The following PLXNA4 variants were observed in gnomAD, a reference collection of about 807,000 sequenced individuals.
PLXNA4 encodes the protein plexin-A4.
In PLXNA4, 44 loss-of-function variants were observed where a neutral mutation model predicts 191.8. The ratio of observed to expected loss-of-function variants is 0.23; its 90% CI spans 0.18 to 0.29. The LOEUF (loss-of-function observed/expected upper bound fraction) is 0.29, where lower values mean the gene tolerates loss of function less well. Among genes scored for constraint, PLXNA4 ranks in the 10% least tolerant of loss-of-function variants. The probability of loss-of-function intolerance (pLI) is 1.00; values close to 1 mark genes in which losing one functional copy is unlikely to be tolerated. For synonymous variants in PLXNA4, 1,082 were observed against 1,009.5 expected, an observed-to-expected ratio of 1.07 and a Z score of -1.36; for missense variants, 1,800 against 2,488.8, an observed-to-expected ratio of 0.72 and a Z score of 5.89.
At chr7:132,357,732 CCTT>C (rs1803769233) in intron 3 of PLXNA4, among the ~76,000 whole-genome samples, 2 of 152,294 alleles carry the variant, frequency 1.3e-5, no homozygotes, top group African/African-American at 4.8e-5. Flanking sequence ...CCAACACAAA[CCTT>C]CTTTTCAGTC....
intron 3 of PLXNA4, among the ~76,000 whole-genome samples, chr7:132,391,955 C>T (rs1301651786): frequency 6.6e-6 from 1 of 151,988 alleles, no homozygotes; most frequent in Non-Finnish European, 1.5e-5. Context: ...GGTGAAACCC[C>T]ATCTCTACTA....
At chr7:132,490,944 G>T (rs1161342581) in intron 2 of PLXNA4, among the ~76,000 whole-genome samples, 1 of 152,110 alleles carries the variant, frequency 6.6e-6, no homozygotes, top group Non-Finnish European at 1.5e-5. Context: ...GAGGGTCTCA[G>T]CTGGGCTCTG....
intron 2 of PLXNA4, among the ~76,000 whole-genome samples, chr7:132,507,023 T>C (rs1026933464): frequency 2.0e-5 from 3 of 152,222 alleles, no homozygotes; most frequent in Non-Finnish European, 4.4e-5. Context: ...TGAAATTCCA[T>C]ATCTATCCCA....
chr7:132,139,841 C>G (rs111543313), intron 30 of PLXNA4, among the ~76,000 whole-genome samples: 2 of 152,314 alleles, frequency 1.3e-5, no homozygotes, highest in African/African-American at 4.8e-5. Context: ...ATAAAAGGAG[C>G]TTATAGTTCC....
chr7:132,498,939 ATG>A (rs1798138511), intron 2 of PLXNA4, among the ~76,000 whole-genome samples: 1 of 152,198 alleles, frequency 6.6e-6, no homozygotes, highest in South Asian at 2.1e-4. Flanking sequence ...TGAAGTTTCT[ATG>A]TGTGTTTTGG....
At chr7:132,417,672 A>C (rs1794705609) in intron 3 of PLXNA4, among the ~76,000 whole-genome samples, 1 of 150,518 alleles carries the variant, frequency 6.6e-6, no homozygotes. Context: ...AGAGAGAAAA[A>C]GACTGAAAAG....
At chr7:132,226,389 TCAG>T in intron 7 of PLXNA4, 129 bp from the exon 8 acceptor site, 1 of 693,822 alleles carries the variant, frequency 1.4e-6, no homozygotes, top group East Asian at 2.7e-5. Flanking sequence ...GGGCTCTGAC[TCAG>T]CAGACCCAGT....
intron 2 of PLXNA4, among the ~76,000 whole-genome samples, chr7:132,496,172 G>A (rs1400761748): frequency 2.0e-5 from 3 of 152,192 alleles, no homozygotes; most frequent in African/African-American, 7.2e-5. Flanking sequence ...CTGGGCTCAC[G>A]TCCAAGTTCT....
intron 3 of PLXNA4, among the ~76,000 whole-genome samples, chr7:132,298,436 T>TTCACCAAGAA (rs1227078050): frequency 1.3e-5 from 2 of 152,206 alleles, no homozygotes; most frequent in African/African-American, 4.8e-5. Flanking sequence ...CAAGCTGGGC[T>TTCACCAAGAA]TCACCAAGAA....
Position 132,294,926 on chromosome 7 carries a change from C to G in PLXNA4, c.1503+3165G>C, listed in dbSNP as rs1197077162. On this transcript the variant is annotated intron_variant, in intron 4 of 31. Coordinates refer to ENST00000321063, the MANE Select transcript of PLXNA4 (RefSeq NM_020911.2). ...AGAGAGGCCTCAGAAAAAACCAGCC[C>G]TGCTGACACTGTGATCCTGGACTTC... is the stretch of plus-strand genomic sequence containing the variant. 5.3e-5 allele frequency among the ~76,000 whole-genome samples: 8 copies of G among 152,286 alleles called. No homozygotes were observed. The East Asian group carries it at 1.5e-3, about 29-fold the overall frequency.
chr7:132,482,910 C>G (rs1376281467), intron 3 of PLXNA4, among the ~76,000 whole-genome samples: 1 of 152,056 alleles, frequency 6.6e-6, no homozygotes, highest in Non-Finnish European at 1.5e-5. Context: ...TCATGCTGGT[C>G]TTGAACTCCT....
chr7:132,296,023 C>G (rs1308198620), intron 4 of PLXNA4, among the ~76,000 whole-genome samples: 1 of 152,180 alleles, frequency 6.6e-6, no homozygotes, highest in Non-Finnish European at 1.5e-5. Flanking sequence ...AATGGCAACA[C>G]CTGTGGACTT....
chr7:132,445,157 GAAAAAAAAA>G (rs71529762), intron 3 of PLXNA4, among the ~76,000 whole-genome samples: 14 of 53,800 alleles, frequency 2.6e-4, no homozygotes, highest in South Asian at 2.5e-3. Flanking sequence ...TCCATCTCAG[GAAAAAAAAA>G]AAAAAAAAAA....
intron 18 of PLXNA4, 43 bp downstream of exon 18, chr7:132,181,338 C>G (rs766429495): frequency 6.2e-7 from 1 of 1,610,710 alleles, no homozygotes; most frequent in East Asian, 2.2e-5. Flanking sequence ...CATGCAGCAG[C>G]CCCTTCTTTT....
At chr7:132,576,584 G>A (rs980427356), upstream of PLXNA4, 4 of 986,120 alleles carry the variant, frequency 4.1e-6, no homozygotes, top group East Asian at 1.1e-4. The surrounding 1 kb of genome is among the most constrained non-coding windows in gnomAD (Gnocchi z 5.8). Flanking sequence ...CCGAGGCACA[G>A]GGAAGCCGGG....
intron 2 of PLXNA4, among the ~76,000 whole-genome samples, chr7:132,504,238 CCTCAGG>C (rs1213770939): frequency 6.6e-6 from 1 of 152,224 alleles, no homozygotes; most frequent in African/African-American, 2.4e-5. Context: ...TCTGTGCGGT[CCTCAGG>C]CTCTGGCCTG....
At chr7:132,372,281 G>C (rs1369000156) in intron 3 of PLXNA4, among the ~76,000 whole-genome samples, 1 of 152,232 alleles carries the variant, frequency 6.6e-6, no homozygotes, top group South Asian at 2.1e-4. Context: ...AGTCAGAGAT[G>C]ATAACCTTGA....
At chr7:132,465,882 C>A (rs529260940) in intron 3 of PLXNA4, among the ~76,000 whole-genome samples, 1 of 152,110 alleles carries the variant, frequency 6.6e-6, no homozygotes, top group African/African-American at 2.4e-5. Context: ...TTTTTCAAAA[C>A]GCATTTTTAG....
At chr7:132,580,451 G>T (rs1802381159), upstream of PLXNA4, among the ~76,000 whole-genome samples, 1 of 152,124 alleles carries the variant, frequency 6.6e-6, no homozygotes, top group South Asian at 2.1e-4. Flanking sequence ...TCTACCTCTT[G>T]CCTGGTCGTG....
Sources: allele counts gnomAD v4.1 joint callset (sites outside exome capture counted in the v4.1 genomes callset), GRCh38; gene constraint gnomAD v4.1.1; non-coding constraint Gnocchi (gnomAD v3.1); transcripts MANE v1.5; gene names NCBI Gene and HGNC (gene_info 2026-07-23, HGNC 2026-07-21).